Variants in BHMT observed in about 807,000 individuals in gnomAD.
BHMT encodes betaine--homocysteine S-methyltransferase, also known as betaine--homocysteine S-methyltransferase 1.
BHMT carries 38 observed loss-of-function variants against 49.5 expected under a neutral mutation model. The observed-to-expected ratio is 0.77, with a 90% CI of 0.59 to 1.01. The LOEUF is 1.01. Ranked by LOEUF, BHMT falls within the 50% of genes least tolerant of loss-of-function variation. The probability of loss-of-function intolerance (pLI) is 0.00; values close to 1 mark genes in which losing one functional copy is unlikely to be tolerated. For missense variants in BHMT, 426 were observed against 495.7 expected, an observed-to-expected ratio of 0.86 and a Z score of 1.34; for synonymous variants, 166 against 176.3, an observed-to-expected ratio of 0.94 and a Z score of 0.46.
At chr5:79,122,239 C>A (rs906510735) in intron 5 of BHMT, among the ~76,000 whole-genome samples, 2 of 152,096 alleles carry the variant, frequency 1.3e-5, no homozygotes, top group Admixed American at 6.5e-5. Flanking sequence ...TTGCGCCCGG[C>A]CTTAGGCAGA....
At chr5:79,125,468 A>AAG (rs1214558612) in intron 5 of BHMT, among the ~76,000 whole-genome samples, 84 of 151,314 alleles carry the variant, frequency 5.6e-4, no homozygotes, top group African/African-American at 1.8e-3. Context: ...AGAAAAAAAA[A>AAG]AAAAAAAAAA....
At chr5:79,116,881 G>C (rs145588558) in intron 2 of BHMT, among the ~76,000 whole-genome samples, 31 of 152,302 alleles carry the variant, frequency 2.0e-4, no homozygotes, top group African/African-American at 7.0e-4. Flanking sequence ...GAACCTTGTG[G>C]TCAGGAAAAA....
At chr5:79,124,470 A>T (rs1369238678) in intron 5 of BHMT, among the ~76,000 whole-genome samples, 1 of 152,114 alleles carries the variant, frequency 6.6e-6, no homozygotes, top group Non-Finnish European at 1.5e-5. Flanking sequence ...TGCAAAAAAA[A>T]AAAAAGGAAA....
intron 3 of BHMT, 198 bp downstream of exon 3, chr5:79,119,575 G>A: frequency 2.2e-6 from 1 of 456,996 alleles, no homozygotes; most frequent in South Asian, 3.8e-5. Flanking sequence ...ATTTAGCGAA[G>A]CAGATGAAGA....
chr5:79,121,469 A>C, intron 5 of BHMT, 104 bp downstream of exon 5: 3 of 1,376,558 alleles, frequency 2.2e-6, no homozygotes, highest in Non-Finnish European at 2.9e-6. Context: ...TAACATAAAA[A>C]CCATTAATTT....
rs201593440 is a variant in BHMT at position 79,121,187 on chromosome 5, T to C, written c.478-31T>C. On this transcript the variant is annotated intron_variant, in intron 4 of 7. Coordinates refer to ENST00000274353, the MANE Select transcript of BHMT (RefSeq NM_001713.3). ...AAAAATTGTTTTGGGAGAAACGAGA[T>C]TAAAAGTACTCTAACCTTAACTGAT... The C allele has an allele frequency of 1.7e-3, 2,708 of 1,595,590 alleles. 4 individuals are homozygous for C. Among genetic ancestry groups the C allele is most frequent in the Non-Finnish European group, 2.2e-3 (2,531 of 1,171,972 alleles).
chr5:79,127,220 G>A (rs1489521708), intron 6 of BHMT, among the ~76,000 whole-genome samples: 1 of 152,122 alleles, frequency 6.6e-6, no homozygotes, highest in Non-Finnish European at 1.5e-5. Context: ...TTGGGAGCTG[G>A]GGGATCTACT....
chr5:79,115,027 C>G (rs920795162), intron 1 of BHMT, among the ~76,000 whole-genome samples: 1 of 152,176 alleles, frequency 6.6e-6, no homozygotes, highest in Non-Finnish European at 1.5e-5. Context: ...TTAGTTGTCT[C>G]TTCCTTGTTC....
intron 5 of BHMT, 81 bp from the exon 6 acceptor site, chr5:79,125,965 T>G: frequency 2.1e-6 from 3 of 1,424,274 alleles, no homozygotes; most frequent in Non-Finnish European, 2.9e-6. Flanking sequence ...AAGAACTTCC[T>G]GATTCCTGAT....
Position 79,111,865 on chromosome 5 carries a change from A to C in BHMT, c.-21A>C. ...TAGTCGGTCCGCATCCGTGTCGACC[A>C]CCTGTCTGGACACCACGAAGATGCC... is the stretch of plus-strand genomic sequence containing the variant. On this transcript the variant is annotated 5_prime_UTR_variant, in exon 1 of 8. Transcript: ENST00000274353. 1 of 1,612,310 alleles carries C rather than the reference A, an allele frequency of 6.2e-7. No homozygotes were observed. The highest frequency in any genetic ancestry group is 1.7e-5 in the Admixed American group (1 of 59,938).
At chr5:79,116,242 G>C (rs1187722032) in intron 2 of BHMT, 1 of 163,006 alleles carries the variant, frequency 6.1e-6, no homozygotes, top group African/African-American at 2.4e-5. Flanking sequence ...CCTGCAAGCT[G>C]GACTTCACCT....
rs755757711 is a variant in BHMT, at chr5:79,121,326, G to T, written c.586G>T (p.Val196Leu). The part of the protein sequence containing the change: ...CIGPEGDLHG[V>L]PPGECAVRLV... Reference sequence around the variant, plus strand: ...TGGCCCAGAAGGAGATTTGCATGGCGTGCCCCCCGGCGAGTGTGCAGTGCG... The same window carrying T: ...TGGCCCAGAAGGAGATTTGCATGGCTTGCCCCCCGGCGAGTGTGCAGTGCG... Residue 196 changes from valine to leucine, a missense_variant, in exon 5 of 8, where the codon GTG becomes TTG. By Grantham distance (32) the Val-to-Leu change is conservative. Transcript: ENST00000274353. 6 of 1,614,046 alleles carry T rather than the reference G, an allele frequency of 3.7e-6. No homozygotes were observed. The highest frequency in any genetic ancestry group is 4.5e-5 in the East Asian group (2 of 44,898).
intron 2 of BHMT, among the ~76,000 whole-genome samples, chr5:79,118,311 C>CA (rs1322230601): frequency 2.0e-5 from 3 of 151,958 alleles, no homozygotes; most frequent in African/African-American, 2.4e-5. Flanking sequence ...ACTAAAAATA[C>CA]AAAAAAATTA....
At chr5:79,118,092 G>C (rs887587402) in intron 2 of BHMT, among the ~76,000 whole-genome samples, 1 of 152,180 alleles carries the variant, frequency 6.6e-6, no homozygotes, top group Non-Finnish European at 1.5e-5. Context: ...GCTTAGGACA[G>C]CTATTTTAAA....
rs760454939 is a variant in BHMT, at chr5:79,126,087, A to G, written c.667A>G (p.Ile223Val). The G allele has an allele frequency of 6.2e-7, 1 of 1,611,470 alleles. No individual in the cohort carries two copies. Among genetic ancestry groups the G allele is most frequent in the African/African-American group, 1.3e-5 (1 of 74,870 alleles). ...IGVNCHFDPT[I>V]SLKTVKLMKE... ...TGTGAACTGCCACTTTGACCCCACCATTAGTTTAAAAACAGTGAAGCTCAT... is the reference window on the plus strand; with the variant it reads ...TGTGAACTGCCACTTTGACCCCACCGTTAGTTTAAAAACAGTGAAGCTCAT... The change falls in exon 6 of 8, where the codon ATT becomes GTT. Residue 223 changes from isoleucine (I) to valine (V), a missense_variant. Around this residue, in one of 3 missense-constraint regions of BHMT, gnomAD observed 321 missense variants for 355.9 expected, o/e 0.90. Transcript: ENST00000274353.
At chr5:79,118,282 A>G (rs959438156) in intron 2 of BHMT, among the ~76,000 whole-genome samples, 1 of 152,182 alleles carries the variant, frequency 6.6e-6, no homozygotes, top group Non-Finnish European at 1.5e-5. Context: ...CCTGGCCAAC[A>G]TGGCGAAACC....
intron 5 of BHMT, among the ~76,000 whole-genome samples, chr5:79,121,920 C>T (rs1271848152): frequency 1.3e-5 from 2 of 151,108 alleles, no homozygotes; most frequent in Non-Finnish European, 2.9e-5. Flanking sequence ...CTGTGTTAAA[C>T]CAAATTAAGC....
chr5:79,127,867 C>T lies in BHMT; in HGVS notation c.921C>T (p.Ile307=), dbSNP rs1286220947. 5 of 1,614,126 alleles carry T rather than the reference C, an allele frequency of 3.1e-6. No homozygotes were observed. The highest frequency in any genetic ancestry group is 3.4e-6 in the Non-Finnish European group (4 of 1,180,018). The stretch of plus-strand genomic sequence containing the variant: ...GCTGTGGATTTGAGCCCTACCACAT[C>T]AGGGCAATTGCAGAGGAGCTGGCCC... ...GGCCGFEPYH[I]RAIAEELAPE... Residue 307 remains isoleucine, a synonymous_variant, in exon 7 of 8, where the codon ATC becomes ATT. Coordinates refer to ENST00000274353, the MANE Select transcript of BHMT (RefSeq NM_001713.3).
chr5:79,114,283 T>C (rs569948320), intron 1 of BHMT, among the ~76,000 whole-genome samples: 1 of 152,246 alleles, frequency 6.6e-6, no homozygotes, highest in South Asian at 2.1e-4. Flanking sequence ...TCCCATAAGA[T>C]AACAAGGCTT....
Sources: allele counts gnomAD v4.1 joint callset (sites outside exome capture counted in the v4.1 genomes callset), GRCh38; gene constraint gnomAD v4.1.1; regional missense constraint gnomAD v4.1.1; transcripts MANE v1.5; gene names NCBI Gene and HGNC (gene_info 2026-07-23, HGNC 2026-07-21).